Variants in OR6C2 observed in about 807,000 individuals in gnomAD.
OR6C2 encodes the protein olfactory receptor 6C2.
For missense variants in OR6C2, 435 were observed against 365.8 expected (o/e 1.19, Z -1.54); for synonymous variants, 146 against 134.2 (o/e 1.09, Z -0.61).
Position 55,452,291 on chromosome 12 carries a change from T to TA in OR6C2, c.79dup (p.Ile27AsnfsTer28), listed in dbSNP as rs759949778. 3.7e-6 allele frequency: 6 copies of TA among 1,613,402 alleles called. No individual in the cohort carries two copies. Among genetic ancestry groups the TA allele is most frequent in the Middle Eastern group, 3.3e-4 (2 of 6,054 alleles). ...ACCCACACCTGCAAGTTCTGCTTTT[T>TA]ATCTTTCTATTTCTCACCTACATGT... On this transcript the variant is annotated frameshift_variant, in exon 2 of 2. Transcript: ENST00000641202. LOFTEE classifies it low-confidence loss of function (END_TRUNC).
At chr12:55,448,674 G>GA (rs1398283970) in intron 1 of OR6C2, among the ~76,000 whole-genome samples, 2 of 74,964 alleles carry the variant, frequency 2.7e-5, no homozygotes, top group Admixed American at 1.4e-4. Flanking sequence ...GAAAAGAAAA[G>GA]AAAAAAGAAA....
chr12:55,453,209 C>G lies in OR6C2; in HGVS notation c.*57C>G. The G allele has an allele frequency of 2.4e-6, 3 of 1,234,648 alleles. No individual in the cohort carries two copies. In the East Asian group the frequency reaches 7.2e-5, roughly 30 times the overall value. 76.5% of individuals were successfully genotyped at this position (1,234,648 alleles called of 1,614,324 possible). ...AGAAGGCTCCCTAAATGTCATCCTACAGCTTTTAACTTATTTCATTGCTTC... is the reference window on the plus strand; with the variant it reads ...AGAAGGCTCCCTAAATGTCATCCTAGAGCTTTTAACTTATTTCATTGCTTC... On this transcript the variant is annotated 3_prime_UTR_variant, in exon 2 of 2. Coordinates refer to ENST00000641202, the MANE Select transcript of OR6C2 (RefSeq NM_054105.2).
At chr12:55,446,251 G>A (rs1871359712) in intron 1 of OR6C2, among the ~76,000 whole-genome samples, 3 of 152,086 alleles carry the variant, frequency 2.0e-5, no homozygotes, top group Admixed American at 1.3e-4. Flanking sequence ...CCAGGTTCAA[G>A]CAATTCTCCT....
intron 1 of OR6C2, among the ~76,000 whole-genome samples, chr12:55,445,871 G>T (rs1467474007): frequency 1.3e-5 from 2 of 152,174 alleles, no homozygotes; most frequent in Non-Finnish European, 1.5e-5. Context: ...ATGTGCATAT[G>T]AAACTCTTGG....
chr12:55,451,818 A>G lies in OR6C2; in HGVS notation c.-396A>G, dbSNP rs1871478450. 1.2e-5 allele frequency: 2 copies of G among 163,890 alleles called. No homozygotes were observed. 10.2% of individuals were successfully genotyped at this position (163,890 alleles called of 1,614,324 possible). ...AGAATTAATGTTATTAATTACCTGG[A>G]TATATCCTATATTCAGAGTTTGTCC... On this transcript the variant is annotated 5_prime_UTR_variant, in exon 2 of 2. Transcript: ENST00000641202.
chr12:55,452,619 A>T lies in OR6C2; in HGVS notation c.406A>T (p.Asn136Tyr), dbSNP rs770361777. The part of the protein sequence containing the change: ...KPLHYVVIMN[N>Y]RVCTLLVLCC... The stretch of plus-strand genomic sequence containing the variant: ...CCTTCATTATGTGGTCATCATGAAC[A>T]ACAGGGTGTGTACCTTATTAGTTCT... Residue 136 changes from asparagine to tyrosine, a missense_variant, in exon 2 of 2, where the codon AAC (asparagine) becomes TAC (tyrosine). Physicochemically the swap from Asn to Tyr is moderately radical, Grantham distance 143. Coordinates refer to ENST00000641202, the MANE Select transcript of OR6C2 (RefSeq NM_054105.2). 1 of 1,613,866 alleles carries T rather than the reference A, an allele frequency of 6.2e-7. No individual in the cohort carries two copies. Among genetic ancestry groups the T allele is most frequent in the Non-Finnish European group, 8.5e-7 (1 of 1,179,876 alleles).
Position 55,452,955 on chromosome 12 carries a change from A to T in OR6C2, c.742A>T (p.Ile248Phe). Residue 248 changes from isoleucine to phenylalanine, a missense_variant, in exon 2 of 2, where the codon ATT becomes TTT. Physicochemically the swap from Ile to Phe is conservative, Grantham distance 21. Transcript: ENST00000641202. ...TTCATCCCACATGATTGTGGTTTCCATTGCCTATGGAAGCTGCATCTTCAT... is the reference window on the plus strand; with the variant it reads ...TTCATCCCACATGATTGTGGTTTCCTTTGCCTATGGAAGCTGCATCTTCAT... ...TCSSHMIVVS[I>F]AYGSCIFIYI... is the part of the protein sequence containing the mutation. The T allele has an allele frequency of 6.2e-7, 1 of 1,613,716 alleles. No individual in the cohort carries two copies. The highest frequency in any genetic ancestry group is 8.5e-7 in the Non-Finnish European group (1 of 1,179,768).
chr12:55,453,173 A>C lies in OR6C2; in HGVS notation c.*21A>C, dbSNP rs776776343. 1 of 1,555,542 alleles carries C rather than the reference A, an allele frequency of 6.4e-7. No individual in the cohort carries two copies. Among genetic ancestry groups the C allele is most frequent in the South Asian group, 1.1e-5 (1 of 87,452 alleles). On this transcript the variant is annotated 3_prime_UTR_variant, in exon 2 of 2. Coordinates refer to ENST00000641202, the MANE Select transcript of OR6C2 (RefSeq NM_054105.2). ...AGTAGAAGCTGTGATGAATTGGCAT[A>C]AAGTGAATGAAGAAGGCTCCCTAAA...
intron 1 of OR6C2, among the ~76,000 whole-genome samples, chr12:55,446,112 C>T (rs1021476370): frequency 1.6e-5 from 2 of 128,258 alleles, no homozygotes; most frequent in African/African-American, 5.7e-5. Flanking sequence ...TAGTAATTTC[C>T]TTCTTTCCTT....
chr12:55,453,098 G>C lies in OR6C2; in HGVS notation c.885G>C (p.Val295=). Residue 295 remains valine (V), a synonymous_variant, in exon 2 of 2, where the codon GTG becomes GTC. Transcript: ENST00000641202. ...PFIYTLRNKQ[V]KQAFSDSIKR... Reference sequence around the variant, plus strand: ...TTTACACCTTGAGGAACAAGCAAGTGAAACAAGCTTTCAGTGACTCTATAA... The same window carrying C: ...TTTACACCTTGAGGAACAAGCAAGTCAAACAAGCTTTCAGTGACTCTATAA... The C allele has an allele frequency of 1.9e-6, 3 of 1,613,250 alleles. No individual in the cohort carries two copies. Among genetic ancestry groups the C allele is most frequent in the Non-Finnish European group, 2.5e-6 (3 of 1,179,542 alleles).
Position 55,452,761 on chromosome 12 carries a change from T to G in OR6C2, c.548T>G (p.Leu183Arg), listed in dbSNP as rs775074955. The G allele has an allele frequency of 6.2e-7, 1 of 1,613,888 alleles. No homozygotes were observed. Among genetic ancestry groups the G allele is most frequent in the Non-Finnish European group, 8.5e-7 (1 of 1,179,836 alleles). The part of the protein sequence containing the change: ...DHFSCDAGPL[L>R]KISCSDTWVI... Reference sequence around the variant, plus strand: ...TTTAGCTGTGATGCAGGTCCTCTCCTAAAGATCTCATGCTCAGATACATGG... The same window carrying G: ...TTTAGCTGTGATGCAGGTCCTCTCCGAAAGATCTCATGCTCAGATACATGG... The change falls in exon 2 of 2, where the codon CTA becomes CGA. Residue 183 changes from leucine to arginine, a missense_variant. By Grantham distance (102) the Leu-to-Arg change is moderately radical (BLOSUM62 -2). Transcript: ENST00000641202.
At chr12:55,446,439 T>C (rs1261799919) in intron 1 of OR6C2, among the ~76,000 whole-genome samples, 1 of 152,088 alleles carries the variant, frequency 6.6e-6, no homozygotes, top group Non-Finnish European at 1.5e-5. Context: ...CAGTGGTAAT[T>C]TTAGTGTAAA....
At chr12:55,444,213 T>G (rs1322125232) in intron 1 of OR6C2, 54 bp downstream of exon 1, 1 of 152,158 alleles carries the variant, frequency 6.6e-6, no homozygotes, top group Non-Finnish European at 1.5e-5. Context: ...AAATTTTTGT[T>G]GGAGTACTCT....
chr12:55,452,239 C>T lies in OR6C2; in HGVS notation c.26C>T (p.Thr9Ile), dbSNP rs1237620336. MKNHTVIR[T>I]FILLGLTGDP... ...ATGAAAAACCACACAGTAATAAGAA[C>T]TTTTATCCTGCTGGGACTGACAGGT... Residue 9 changes from threonine to isoleucine, a missense_variant, in exon 2 of 2, where the codon ACT becomes ATT. By Grantham distance (89) the Thr-to-Ile change is moderately conservative. Coordinates refer to ENST00000641202, the MANE Select transcript of OR6C2 (RefSeq NM_054105.2). The T allele has an allele frequency of 1.9e-6, 3 of 1,592,142 alleles. No homozygotes were observed. Among genetic ancestry groups the T allele is most frequent in the Non-Finnish European group, 2.6e-6 (3 of 1,170,412 alleles).
chr12:55,452,188 GATT>G lies in OR6C2; in HGVS notation c.-25_-23del. On this transcript the variant is annotated 5_prime_UTR_variant, in exon 2 of 2. Transcript: ENST00000641202. ...TCATAAACCGTGATTTTTAAAGGAG[GATT>G]GGGTAGATATCAAAGAACAGTGATG... 1 of 1,430,280 alleles carries G rather than the reference GATT, an allele frequency of 7.0e-7. No homozygotes were observed. Among genetic ancestry groups the G allele is most frequent in the Non-Finnish European group, 9.5e-7 (1 of 1,051,930 alleles). 88.6% of individuals were successfully genotyped at this position (1,430,280 alleles called of 1,614,324 possible). A position where few individuals can be genotyped will look rare whatever the true frequency, so the allele number is the denominator to read the frequency against.
intron 1 of OR6C2, among the ~76,000 whole-genome samples, chr12:55,445,890 C>G (rs1386286948): frequency 9.2e-5 from 14 of 152,146 alleles, no homozygotes; most frequent in Non-Finnish European, 1.3e-4. Context: ...GGTAATTATA[C>G]CACAGCTATT....
At chr12:55,449,151 C>A (rs1452693390) in intron 1 of OR6C2, among the ~76,000 whole-genome samples, 1 of 151,774 alleles carries the variant, frequency 6.6e-6, no homozygotes, top group Non-Finnish European at 1.5e-5. Context: ...AATAAGAAAG[C>A]AAATTATTTA....
chr12:55,453,111 A>G lies in OR6C2; in HGVS notation c.898A>G (p.Ser300Gly). ...GAACAAGCAAGTGAAACAAGCTTTC[A>G]GTGACTCTATAAAGAGGATTGCATT... ...LRNKQVKQAF[S>G]DSIKRIAFLS... Residue 300 changes from serine (S) to glycine (G), a missense_variant, in exon 2 of 2, where the codon AGT becomes GGT. Transcript: ENST00000641202. The G allele has an allele frequency of 6.2e-7, 1 of 1,613,208 alleles. No homozygotes were observed. Among genetic ancestry groups the G allele is most frequent in the Non-Finnish European group, 8.5e-7 (1 of 1,179,486 alleles).
At chr12:55,447,320 T>TG (rs1393080435) in intron 1 of OR6C2, among the ~76,000 whole-genome samples, 45 of 130,984 alleles carry the variant, frequency 3.4e-4, no homozygotes, top group African/African-American at 1.1e-3. Flanking sequence ...TTTTAGTTTT[T>TG]GGGTTTTTTT....
Sources: allele counts gnomAD v4.1 joint callset (sites outside exome capture counted in the v4.1 genomes callset), GRCh38; gene constraint gnomAD v4.1.1; transcripts MANE v1.5; gene names NCBI Gene and HGNC (gene_info 2026-07-23, HGNC 2026-07-21).